Variants in NPEPL1 observed in about 807,000 individuals in gnomAD.
NPEPL1 encodes aminopeptidase like 1.
Under a neutral mutation model 52.4 loss-of-function variants are expected in NPEPL1, and 45 were observed. The ratio of observed to expected loss-of-function variants is 0.86; its 90% CI spans 0.68 to 1.10. NPEPL1 has a LOEUF of 1.10. Among genes scored for constraint, NPEPL1 ranks in the 50% least tolerant of loss-of-function variants. The probability of loss-of-function intolerance (pLI) is 0.00; values close to 1 mark genes in which losing one functional copy is unlikely to be tolerated. For synonymous variants in NPEPL1, 360 were observed against 314.7 expected (o/e 1.14, Z -1.52); for missense variants, 696 against 710.9 (o/e 0.98, Z 0.24).
At chr20:58,691,264 T>C (rs2084337757), upstream of NPEPL1, 1 of 666,882 alleles carries the variant, frequency 1.5e-6, no homozygotes, top group East Asian at 2.7e-5. Flanking sequence ...AACATTCAGC[T>C]GCTGTAAAAT....
intron 7 of NPEPL1, among the ~76,000 whole-genome samples, chr20:58,709,445 G>T (rs1017417038): frequency 6.6e-6 from 1 of 152,184 alleles, no homozygotes; most frequent in Admixed American, 6.5e-5. Flanking sequence ...CCAGTTTCAG[G>T]CTGCAGAGGT....
intron 10 of NPEPL1, 45 bp downstream of exon 10, chr20:58,714,138 C>G: frequency 6.6e-7 from 1 of 1,509,816 alleles, no homozygotes; most frequent in Non-Finnish European, 8.8e-7. Flanking sequence ...ATGGGTGGAG[C>G]CGGGCAGGCG....
chr20:58,691,204 G>T (rs1206935361), upstream of NPEPL1: 1 of 702,542 alleles, frequency 1.4e-6, no homozygotes, highest in Admixed American at 2.0e-5. Context: ...ACAGAAAAAA[G>T]AGTGAGAGAT....
chr20:58,700,742 C>T (rs1474992911), intron 5 of NPEPL1, among the ~76,000 whole-genome samples: 1 of 152,164 alleles, frequency 6.6e-6, no homozygotes. Context: ...TCTTTTCTTT[C>T]TGGAAAGGAT....
At chr20:58,692,676 G>T (rs1382337521), upstream of NPEPL1, 4 of 356,336 alleles carry the variant, frequency 1.1e-5, no homozygotes, top group Non-Finnish European at 1.6e-5. This position sits in a 1 kb window ranked among gnomAD's most constrained non-coding sequence, Gnocchi z 5.7. Flanking sequence ...GGGCCTGCCC[G>T]GCCGGGCCTG....
Position 58,701,110 on chromosome 20 carries a change from GGGCAAA to G in NPEPL1, c.779_784del (p.Lys260_Gly261del). On this transcript the variant is annotated inframe_deletion, in exon 6 of 12. Transcript: ENST00000356091. ...GAGCCACGCAGACCATCGCCTGGGT[GGGCAAA>G]GGCATCGTCTATGACACTGGAGGCC... The G allele has an allele frequency of 6.3e-7, 1 of 1,590,724 alleles. No homozygotes were observed.
Position 58,713,186 on chromosome 20 carries a change from T to C in NPEPL1, c.1002-234T>C. ...AGGCATGGGAGAGCCAAATGGCTGG[T>C]CTCTGGCTCTCCAGAGCAGCGGGGC... On this transcript the variant is annotated intron_variant, in intron 8 of 11. Transcript: ENST00000356091. This position sits in a 1 kb window ranked among gnomAD's most constrained non-coding sequence, Gnocchi z 4.6. The C allele has an allele frequency of 2.0e-6, 1 of 509,418 alleles. No homozygotes were observed. 31.6% of individuals were successfully genotyped at this position (509,418 alleles called of 1,614,324 possible).
intron 5 of NPEPL1, among the ~76,000 whole-genome samples, chr20:58,699,880 A>AAGAT (rs1478269315): frequency 2.0e-5 from 3 of 152,298 alleles, no homozygotes; most frequent in Admixed American, 1.3e-4. Context: ...AATCACTCGG[A>AAGAT]AGATAGCAGC....
In NPEPL1 at chr20:58,713,659, T is replaced by A. The variant is rs2084900988; in HGVS notation, c.1125+116T>A. On this transcript the variant is annotated intron_variant, in intron 9 of 11. Coordinates refer to ENST00000356091, the MANE Select transcript of NPEPL1 (RefSeq NM_024663.4). This position sits in a 1 kb window ranked among gnomAD's most constrained non-coding sequence, Gnocchi z 4.6. Reference sequence around the variant, plus strand: ...GCTGCCGTCAGGAAGTTTTCATAACTGGGCACGAGGAGGCAGGAGGAGCTG... The same window carrying A: ...GCTGCCGTCAGGAAGTTTTCATAACAGGGCACGAGGAGGCAGGAGGAGCTG... The A allele has an allele frequency of 1.5e-6, 2 of 1,373,036 alleles. No individual in the cohort carries two copies. The highest frequency in any genetic ancestry group is 1.9e-6 in the Non-Finnish European group (2 of 1,041,806). The allele number at this position is 1,373,036 out of a possible 1,614,324, so 85.1% of individuals were successfully genotyped here.
upstream of NPEPL1, chr20:58,689,284 A>C (rs1360856541): frequency 1.3e-5 from 2 of 151,774 alleles, no homozygotes; most frequent in Non-Finnish European, 2.9e-5. Flanking sequence ...TTTTTTGTAG[A>C]GACAGAGTCT....
At chr20:58,693,417 T>C (rs1459131750) in intron 1 of NPEPL1, 2 of 266,746 alleles carry the variant, frequency 7.5e-6, no homozygotes, top group Non-Finnish European at 1.4e-5. Context: ...CTGCCTTTCC[T>C]TGGGGACACC....
At chr20:58,698,862 C>G (rs930523265) in intron 4 of NPEPL1, 89 bp downstream of exon 4, 1 of 1,127,954 alleles carries the variant, frequency 8.9e-7, no homozygotes, top group African/African-American at 1.5e-5. Context: ...TGGGGCTGTC[C>G]ACACCCTGAC....
rs1023038877 is a variant in NPEPL1 at position 58,700,934 on chromosome 20, G to T, written c.680-82G>T. 6 of 1,322,620 alleles carry T rather than the reference G, an allele frequency of 4.5e-6. No homozygotes were observed. The East Asian group carries it at 1.5e-4, about 34-fold the overall frequency. 81.9% of individuals were successfully genotyped at this position (1,322,620 alleles called of 1,614,324 possible). A position where few individuals can be genotyped will look rare whatever the true frequency, so the allele number is the denominator to read the frequency against. On this transcript the variant is annotated intron_variant, in intron 5 of 11. Transcript: ENST00000356091. ...CGGCTCTCCAGGAGAAACACCAGCC[G>T]GCCAGAGTTTCCAGGGGCCTCTGGG...
At chr20:58,709,751 C>T (rs2084800054) in intron 7 of NPEPL1, among the ~76,000 whole-genome samples, 1 of 152,210 alleles carries the variant, frequency 6.6e-6, no homozygotes, top group African/African-American at 2.4e-5. Context: ...TGCCTGTAGT[C>T]ACAAGGACAC....
chr20:58,706,744 C>T (rs1195770288), intron 6 of NPEPL1, among the ~76,000 whole-genome samples: 2 of 152,170 alleles, frequency 1.3e-5, no homozygotes, highest in Non-Finnish European at 2.9e-5. Flanking sequence ...GGACTGAGGT[C>T]AGGGTGCCCG....
Position 58,701,123 on chromosome 20 carries a change from G to C in NPEPL1, c.787G>C (p.Val263Leu). 1 of 1,585,502 alleles carries C rather than the reference G, an allele frequency of 6.3e-7. No homozygotes were observed. Among genetic ancestry groups the C allele is most frequent in the Non-Finnish European group, 8.6e-7 (1 of 1,166,896 alleles). ...CATCGCCTGGGTGGGCAAAGGCATC[G>C]TCTATGACACTGGAGGCCTCAGCAT... The part of the protein sequence containing the change: ...QTIAWVGKGI[V>L]YDTGGLSIKG... The change falls in exon 6 of 12, where the codon GTC becomes CTC. Residue 263 changes from valine (V) to leucine (L), a missense_variant. Physicochemically the swap from Val to Leu is conservative, Grantham distance 32. Coordinates refer to ENST00000356091, the MANE Select transcript of NPEPL1 (RefSeq NM_024663.4).
intron 6 of NPEPL1, among the ~76,000 whole-genome samples, chr20:58,702,492 T>A (rs2084650942): frequency 6.6e-6 from 1 of 152,188 alleles, no homozygotes; most frequent in Non-Finnish European, 1.5e-5. Context: ...CAAAACTGTT[T>A]AGAACTAAGC....
upstream of NPEPL1, chr20:58,691,858 C>T: frequency 7.2e-7 from 1 of 1,395,770 alleles, no homozygotes; most frequent in Non-Finnish European, 9.9e-7. Flanking sequence ...TTAAATGACT[C>T]CTGGGTGGAG....
intron 10 of NPEPL1, 129 bp downstream of exon 10, chr20:58,714,222 G>C (rs576167004): frequency 7.7e-6 from 8 of 1,035,638 alleles, no homozygotes; most frequent in African/African-American, 1.7e-5. Flanking sequence ...GCAGACGAGG[G>C]CTTGAGAGGC....
Sources: allele counts gnomAD v4.1 joint callset (sites outside exome capture counted in the v4.1 genomes callset), GRCh38; gene constraint gnomAD v4.1.1; non-coding constraint Gnocchi (gnomAD v3.1); transcripts MANE v1.5; gene names NCBI Gene and HGNC (gene_info 2026-07-23, HGNC 2026-07-21).